Variants in CHN2 observed in about 807,000 individuals in gnomAD.
The protein encoded by CHN2 is beta-chimaerin.
In CHN2, 35 loss-of-function variants were observed where a neutral mutation model predicts 56.3. The observed-to-expected ratio is 0.62, with a 90% confidence interval of 0.47 to 0.82. The LOEUF (loss-of-function observed/expected upper bound fraction) is 0.82, where lower values mean the gene tolerates loss of function less well. Ranked by LOEUF, CHN2 falls within the 40% of genes least tolerant of loss-of-function variation. The probability of loss-of-function intolerance (pLI) is 0.00; values close to 1 mark genes in which losing one functional copy is unlikely to be tolerated. For synonymous variants in CHN2, 210 were observed against 212.8 expected (o/e 0.99, Z 0.12); for missense variants, 491 against 580.5 (o/e 0.85, Z 1.58).
At chr7:29,497,021 C>T (rs78124570) in intron 8 of CHN2, among the ~76,000 whole-genome samples, 27,630 of 152,114 alleles carry the variant, frequency 0.18, 2,650 homozygotes, top group East Asian at 0.27. Context: ...CACAGCATCC[C>T]GTAAACCCTA....
chr7:29,178,546 G>A (rs1797659768), intron 2 of CHN2, among the ~76,000 whole-genome samples: 1 of 152,184 alleles, frequency 6.6e-6, no homozygotes, highest in Admixed American at 6.5e-5. Flanking sequence ...GAGAGACGTT[G>A]CCTGACATGC....
intron 1 of CHN2, among the ~76,000 whole-genome samples, chr7:29,315,158 A>T (rs945061094): frequency 4.6e-5 from 7 of 152,216 alleles, no homozygotes; most frequent in Non-Finnish European, 1.0e-4. Context: ...CTGAGAAACA[A>T]GAAGATGAGA....
At chr7:29,373,345 T>C (rs112961649) in intron 3 of CHN2, among the ~76,000 whole-genome samples, 14 of 151,212 alleles carry the variant, frequency 9.3e-5, no homozygotes, top group African/African-American at 3.4e-4. Flanking sequence ...CCTGGCTCAT[T>C]TTTTTTTTAA....
At chr7:29,440,919 ATTAT>A (rs1783602305) in intron 6 of CHN2, among the ~76,000 whole-genome samples, 1 of 151,870 alleles carries the variant, frequency 6.6e-6, no homozygotes, top group Non-Finnish European at 1.5e-5. Flanking sequence ...TTTGTTTTTT[ATTAT>A]TTATTGACAA....
intron 6 of CHN2, among the ~76,000 whole-genome samples, chr7:29,448,196 C>T (rs575514653): frequency 2.0e-5 from 3 of 152,098 alleles, no homozygotes; most frequent in South Asian, 2.1e-4. Flanking sequence ...TATAGGTACG[C>T]AATACCTTAT....
intron 1 of CHN2, among the ~76,000 whole-genome samples, chr7:29,323,361 G>A (rs917621637): frequency 4.6e-5 from 7 of 152,110 alleles, no homozygotes; most frequent in Admixed American, 1.3e-4. Flanking sequence ...TCCTCCAGAC[G>A]TATTCCAATC....
intron 6 of CHN2, among the ~76,000 whole-genome samples, chr7:29,413,642 C>T (rs1318614186): frequency 6.6e-6 from 1 of 152,122 alleles, no homozygotes; most frequent in African/African-American, 2.4e-5. Context: ...ACAAGAAACC[C>T]GGGGCTTGGG....
chr7:29,313,706 C>G (rs1262658330), intron 1 of CHN2, among the ~76,000 whole-genome samples: 1 of 152,220 alleles, frequency 6.6e-6, no homozygotes, highest in Non-Finnish European at 1.5e-5. Flanking sequence ...CTCTAAGAGA[C>G]TCATTGATAC....
chr7:29,271,511 T>C (rs1201188783), intron 1 of CHN2, among the ~76,000 whole-genome samples: 1 of 152,144 alleles, frequency 6.6e-6, no homozygotes, highest in Non-Finnish European at 1.5e-5. Context: ...GCCCCTCTGG[T>C]GAATCCTTCC....
At chr7:29,202,288 C>T (rs951810310) in intron 1 of CHN2, among the ~76,000 whole-genome samples, 3 of 152,130 alleles carry the variant, frequency 2.0e-5, no homozygotes, top group Non-Finnish European at 4.4e-5. Flanking sequence ...ATTTTTACTT[C>T]TACAAAAAGC....
Position 29,161,040 on chromosome 7 carries a change from A to G in CHN2, c.274+14080A>G, listed in dbSNP as rs146848614. 5.2e-3 allele frequency among the ~76,000 whole-genome samples: 793 copies of G among 152,146 alleles called. 7 individuals carry two copies. Among genetic ancestry groups the G allele is most frequent in the Middle Eastern group, 0.017 (5 of 294 alleles). On this transcript the variant is annotated intron_variant, in intron 2 of 6. Coordinates refer to the CHN2 transcript ENST00000439384. The stretch of plus-strand genomic sequence containing the variant: ...ATTTCTCACCCTTCTTTTCAACTCT[A>G]TAAACTTATTTTCTGTATAATACCT...
chr7:29,490,462 A>C (rs1788538614), intron 7 of CHN2, among the ~76,000 whole-genome samples: 1 of 152,198 alleles, frequency 6.6e-6, no homozygotes, highest in South Asian at 2.1e-4. Context: ...GAGTGCAGGC[A>C]GTTCTTATTC....
In CHN2 at chr7:29,312,502, A is replaced by G. The variant is rs548131447; in HGVS notation, c.50-42123A>G. ...TTGTCTGGGGGCAGAAGAAGGGAAAAGAAGCTAACTTTATTATAGAGGTCA... is the reference window on the plus strand; with the variant it reads ...TTGTCTGGGGGCAGAAGAAGGGAAAGGAAGCTAACTTTATTATAGAGGTCA... On this transcript the variant is annotated intron_variant, in intron 1 of 12. Transcript: ENST00000222792. 1.7e-3 allele frequency among the ~76,000 whole-genome samples: 257 copies of G among 152,354 alleles called. 1 individual carries two copies. Among genetic ancestry groups the G allele is most frequent in the Non-Finnish European group, 2.6e-3 (179 of 68,028 alleles).
intron 1 of CHN2, among the ~76,000 whole-genome samples, chr7:29,244,328 C>G (rs1456538571): frequency 6.6e-6 from 1 of 152,174 alleles, no homozygotes; most frequent in Admixed American, 6.5e-5. Context: ...ATGAAGCATA[C>G]AATCCACCTC....
At chr7:29,295,656 A>G (rs1280565417) in intron 1 of CHN2, among the ~76,000 whole-genome samples, 5 of 152,188 alleles carry the variant, frequency 3.3e-5, no homozygotes, top group Admixed American at 2.6e-4. Context: ...GGTGTTTTCT[A>G]CCAATGTTTT....
At chr7:29,319,004 G>A (rs1174842122) in intron 1 of CHN2, among the ~76,000 whole-genome samples, 1 of 152,182 alleles carries the variant, frequency 6.6e-6, no homozygotes, top group African/African-American at 2.4e-5. Flanking sequence ...AAGCTGACTT[G>A]TTCTCCACTC....
chr7:29,448,261 G>GT (rs535595802), intron 6 of CHN2, among the ~76,000 whole-genome samples: 11,336 of 148,300 alleles, frequency 0.076, 475 homozygotes, highest in Middle Eastern at 0.15. Flanking sequence ...AACTTTCTGG[G>GT]TTTTTTTTTT....
chr7:29,354,604 CT>C lies in CHN2; in HGVS notation c.50-9del, dbSNP rs66659316. Reference sequence around the variant, plus strand: ...TGACGTTCAGGCTGATGATGGATTTCTTTTTTTTTTTTCATTCTAGATGCTG... The same window carrying C: ...TGACGTTCAGGCTGATGATGGATTTCTTTTTTTTTTTCATTCTAGATGCTG... On this transcript the variant is annotated intron_variant, in intron 1 of 12. Transcript: ENST00000222792. The C allele has an allele frequency of 0.037, 45,120 of 1,215,986 alleles. No individual in the cohort carries two copies. Among genetic ancestry groups the C allele is most frequent in the East Asian group, 0.074 (2,217 of 30,034 alleles). The allele number at this position is 1,215,986 out of a possible 1,614,324, so 75.3% of individuals were successfully genotyped here.
chr7:29,480,004 C>A (rs1409948174), intron 6 of CHN2: 5 of 1,495,798 alleles, frequency 3.3e-6, no homozygotes, highest in Non-Finnish European at 4.5e-6. Flanking sequence ...CAGGACCCAG[C>A]TGCCTCAAAT....
Sources: gnomAD v4.1 joint callset for allele counts (sites outside exome capture counted in the v4.1 genomes callset) on GRCh38, gnomAD v4.1.1 for gene constraint, MANE v1.5 for transcripts, NCBI Gene and HGNC (gene_info 2026-07-23, HGNC 2026-07-21) for gene names.